The following MYO3A variants were observed in gnomAD, a reference collection of about 807,000 sequenced individuals.
MYO3A encodes the protein myosin-IIIa.
A neutral mutation model predicts 192.7 loss-of-function variants in MYO3A; 180 were observed. The ratio of observed to expected loss-of-function variants is 0.93; its 90% confidence interval spans 0.83 to 1.06. The LOEUF (loss-of-function observed/expected upper bound fraction) is 1.06, where lower values mean the gene tolerates loss of function less well. MYO3A is among the 50% of genes least tolerant of loss of function. The probability of loss-of-function intolerance (pLI) is 0.00; values close to 1 mark genes in which losing one functional copy is unlikely to be tolerated. For missense variants in MYO3A, 1,896 were observed against 1,905.0 expected, an observed-to-expected ratio of 1.00 and a Z score of 0.09; for synonymous variants, 628 against 645.3, an observed-to-expected ratio of 0.97 and a Z score of 0.41.
intron 6 of MYO3A, among the ~76,000 whole-genome samples, chr10:26,002,422 T>G (rs1840886628): frequency 6.6e-6 from 1 of 152,232 alleles, no homozygotes; most frequent in Admixed American, 6.5e-5. Context: ...GAAGGGGTTC[T>G]TATCACTGAT....
intron 20 of MYO3A, among the ~76,000 whole-genome samples, chr10:26,142,106 C>G (rs1212386860): frequency 6.6e-6 from 1 of 152,186 alleles, no homozygotes; most frequent in African/African-American, 2.4e-5. Context: ...TTGTTTTAAA[C>G]TTCTCTGTCA....
chr10:26,131,995 C>T (rs984606431), intron 20 of MYO3A, among the ~76,000 whole-genome samples: 15 of 152,214 alleles, frequency 9.9e-5, no homozygotes, highest in African/African-American at 3.4e-4. Flanking sequence ...TTTCAGCCTT[C>T]GCTATTACAT....
intron 27 of MYO3A, 150 bp downstream of exon 27, chr10:26,166,328 G>T (rs1841749533): frequency 1.4e-6 from 1 of 738,842 alleles, no homozygotes; most frequent in East Asian, 2.7e-5. Context: ...AACTCATAAA[G>T]ATTTTCTTTT....
intron 32 of MYO3A, 103 bp from the exon 33 acceptor site, chr10:26,201,160 AGT>A: frequency 4.5e-6 from 2 of 443,064 alleles, no homozygotes; most frequent in Non-Finnish European, 7.6e-6. Context: ...TTTCTAACTT[AGT>A]CTTTTAAGAG....
chr10:26,052,370 C>T (rs999217081), intron 10 of MYO3A, among the ~76,000 whole-genome samples: 2 of 152,160 alleles, frequency 1.3e-5, no homozygotes, highest in African/African-American at 4.8e-5. Flanking sequence ...TTAAGACTTA[C>T]TGGGGGCTTG....
Position 26,086,177 on chromosome 10 carries a change from G to A in MYO3A, c.1360-2026G>A, listed in dbSNP as rs187752401. Among the ~76,000 whole-genome samples the A allele has an allele frequency of 3.6e-3, 551 of 152,178 alleles. 3 individuals are homozygous for A. The highest frequency in any genetic ancestry group is 5.9e-3 in the Non-Finnish European group (399 of 67,992). On this transcript the variant is annotated intron_variant, in intron 14 of 34. Transcript: ENST00000642920. ...GAAGGCCTCAAAAAAACTTACAATC[G>A]TGGGCAGAAGGTGAAGGGCAAGCAA...
intron 4 of MYO3A, among the ~76,000 whole-genome samples, chr10:25,987,998 A>G (rs1392026467): frequency 6.6e-6 from 1 of 152,224 alleles, no homozygotes; most frequent in East Asian, 1.9e-4. Flanking sequence ...TGATATATAT[A>G]TATGATCGAA....
chr10:25,976,889 G>A (rs1838995827), intron 4 of MYO3A, among the ~76,000 whole-genome samples: 1 of 151,688 alleles, frequency 6.6e-6, no homozygotes, highest in Non-Finnish European at 1.5e-5. Context: ...ATTTTTAAAG[G>A]GAAACAATAT....
At chr10:26,114,126 T>C (rs1221074942) in intron 17 of MYO3A, among the ~76,000 whole-genome samples, 2 of 152,132 alleles carry the variant, frequency 1.3e-5, no homozygotes, top group Admixed American at 6.5e-5. Context: ...TGCCTCCCTG[T>C]CCTTTCTCAA....
intron 10 of MYO3A, among the ~76,000 whole-genome samples, chr10:26,033,027 T>G (rs1173433958): frequency 6.6e-6 from 1 of 152,152 alleles, no homozygotes; most frequent in Admixed American, 6.6e-5. Flanking sequence ...TGTCCAAAAT[T>G]AAACTTATGG....
rs1339477461 is a variant in MYO3A, at chr10:26,174,017, A to C, written c.3753A>C (p.Glu1251Asp). Residue 1251 changes from glutamate to aspartate, a missense_variant, in exon 30 of 35, where the codon GAA becomes GAC. Coordinates refer to ENST00000642920, the MANE Select transcript of MYO3A (RefSeq NM_017433.5). ...GGTACACAGAGGAGAGGAATTGTGAAGAGTCAAAAGCAGCATATCTAGAAA... is the reference window on the plus strand; with the variant it reads ...GGTACACAGAGGAGAGGAATTGTGACGAGTCAAAAGCAGCATATCTAGAAA... ...YQRYTEERNC[E>D]ESKAAYLERK... is the part of the protein sequence containing the mutation. 1.2e-6 allele frequency: 2 copies of C among 1,611,724 alleles called. No homozygotes were observed. Among genetic ancestry groups the C allele is most frequent in the Admixed American group, 3.4e-5 (2 of 59,446 alleles).
chr10:26,195,482 A>C lies in MYO3A; in HGVS notation c.4545+2171A>C, dbSNP rs535664545. Among the ~76,000 whole-genome samples the C allele has an allele frequency of 3.9e-5, 6 of 152,242 alleles. No homozygotes were observed. In the East Asian group the frequency reaches 7.7e-4, roughly 20 times the overall value. On this transcript the variant is annotated intron_variant, in intron 32 of 34. Transcript: ENST00000642920. ...TCTAAAATTAATATCCAATTATACT[A>C]TCCTCCCATTGATGGAACTTTTCTG...
chr10:26,112,251 C>G (rs1838233451), intron 17 of MYO3A, among the ~76,000 whole-genome samples: 1 of 152,128 alleles, frequency 6.6e-6, no homozygotes, highest in Non-Finnish European at 1.5e-5. Flanking sequence ...GTTTTTGGAT[C>G]TGAAGCACAA....
rs760631228 is a variant in MYO3A, at chr10:26,157,484, C to T, written c.2968C>T (p.His990Tyr). 2 of 1,614,080 alleles carry T rather than the reference C, an allele frequency of 1.2e-6. No individual in the cohort carries two copies. Among genetic ancestry groups the T allele is most frequent in the Non-Finnish European group, 1.7e-6 (2 of 1,179,976 alleles). Residue 990 changes from histidine to tyrosine, a missense_variant, in exon 26 of 35, where the codon CAT becomes TAT. Transcript: ENST00000642920. The stretch of plus-strand genomic sequence containing the variant: ...AAGAATTCGAAGACTAGGATTCTCC[C>T]ATCGGATACTTTTTGCTAACTTTAT... ...TARIRRLGFSHRILFANFIKR... is the reference protein window; with the variant it reads ...TARIRRLGFSYRILFANFIKR...
chr10:26,049,887 G>T (rs1252306841), intron 10 of MYO3A, among the ~76,000 whole-genome samples: 1 of 151,664 alleles, frequency 6.6e-6, no homozygotes, highest in African/African-American at 2.4e-5. Flanking sequence ...TGTTAGCTAG[G>T]ATGGTCTCGA....
intron 4 of MYO3A, among the ~76,000 whole-genome samples, chr10:25,976,106 G>C (rs932791994): frequency 2.0e-5 from 3 of 152,194 alleles, no homozygotes; most frequent in Admixed American, 2.0e-4. Flanking sequence ...CTGAGTATTG[G>C]TGAGGTGGCA....
At chr10:26,031,223 C>T (rs1189071604) in intron 10 of MYO3A, among the ~76,000 whole-genome samples, 1 of 152,170 alleles carries the variant, frequency 6.6e-6, no homozygotes, top group Non-Finnish European at 1.5e-5. Flanking sequence ...CATTGGATGG[C>T]TCAGAGAATG....
intron 31 of MYO3A, among the ~76,000 whole-genome samples, chr10:26,177,072 C>G (rs1454703783): frequency 6.6e-6 from 1 of 151,406 alleles, no homozygotes; most frequent in Non-Finnish European, 1.5e-5. Context: ...TTCCTTTTTT[C>G]ATTTTAACTA....
chr10:26,111,273 T>C (rs917575203), intron 17 of MYO3A, among the ~76,000 whole-genome samples: 1 of 152,190 alleles, frequency 6.6e-6, no homozygotes, highest in Non-Finnish European at 1.5e-5. Flanking sequence ...CCAGGTGATA[T>C]GTGGCCCCCA....
Sources: gnomAD v4.1 joint callset for allele counts (sites outside exome capture counted in the v4.1 genomes callset) on GRCh38, gnomAD v4.1.1 for gene constraint, MANE v1.5 for transcripts, NCBI Gene and HGNC (gene_info 2026-07-23, HGNC 2026-07-21) for gene names.